Variants in PTCD1 observed in about 807,000 individuals in gnomAD.
PTCD1 encodes pentatricopeptide repeat-containing protein 1, mitochondrial.
PTCD1 carries 50 observed loss-of-function variants against 53.4 expected under a neutral mutation model. The observed-to-expected ratio is 0.94, with a 90% CI of 0.75 to 1.19. PTCD1 has a LOEUF of 1.19. Ranked by LOEUF, PTCD1 falls within the 50% of genes most tolerant of loss-of-function variation. The probability of loss-of-function intolerance (pLI) is 0.00; values close to 1 mark genes in which losing one functional copy is unlikely to be tolerated. For missense variants in PTCD1, 918 were observed against 904.8 expected (o/e 1.01, Z -0.19); for synonymous variants, 413 against 394.8 (o/e 1.05, Z -0.55).
At chr7:99,430,164 G>A (rs552062540) in intron 3 of PTCD1, among the ~76,000 whole-genome samples, 9 of 152,332 alleles carry the variant, frequency 5.9e-5, no homozygotes, top group East Asian at 5.8e-4. Context: ...GAGGGCTCCC[G>A]GGCAAGTTAG....
chr7:99,419,596 T>TAA lies in PTCD1; in HGVS notation c.*369_*370dup, dbSNP rs1042799353. On this transcript the variant is annotated 3_prime_UTR_variant, in exon 8 of 8. Transcript: ENST00000292478. ...GTCTATCAGCTGTGATTTGTAAAAATAAAATCTTTAAATCTCTCGAGCCCC... is the reference window on the plus strand; with the variant it reads ...GTCTATCAGCTGTGATTTGTAAAAATAAAAAATCTTTAAATCTCTCGAGCCCC... 2.2e-6 allele frequency: 2 copies of TAA among 891,204 alleles called. No homozygotes were observed. Among genetic ancestry groups the TAA allele is most frequent in the African/African-American group, 3.4e-5 (2 of 59,220 alleles). 55.2% of individuals were successfully genotyped at this position (891,204 alleles called of 1,614,324 possible).
chr7:99,429,206 T>A lies in PTCD1; in HGVS notation c.814-2A>T. 2 of 1,614,000 alleles carry A rather than the reference T, an allele frequency of 1.2e-6. No homozygotes were observed. Among genetic ancestry groups the A allele is most frequent in the Non-Finnish European group, 1.7e-6 (2 of 1,179,968 alleles). Reference sequence around the variant, plus strand: ...CACGTGCCCTTTGTGGATGATTTCCTGGGGGAGGGAACAAAGACGTCCCAC... The same window carrying A: ...CACGTGCCCTTTGTGGATGATTTCCAGGGGGAGGGAACAAAGACGTCCCAC... On this transcript the variant is annotated splice_acceptor_variant, in intron 4 of 7. Coordinates refer to ENST00000292478, the MANE Select transcript of PTCD1 (RefSeq NM_015545.4). LOFTEE classifies it high-confidence loss of function.
At position 99,424,816 on chromosome 7, in the gene PTCD1, T is replaced by C. The variant is rs2150949684; in HGVS notation, c.1716A>G (p.Leu572=). ...TCACCTTCATGTCTGTGAGAAGCTG[T>C]AGACCGTCCTTCGGCCTGTGGCACC... ...AIGCHRPKDG[L]QLLTDMKKSQ... Residue 572 remains leucine (L), a synonymous_variant, in exon 6 of 8, where the codon CTA becomes CTG. Coordinates refer to ENST00000292478, the MANE Select transcript of PTCD1 (RefSeq NM_015545.4). The C allele has an allele frequency of 1.9e-6, 3 of 1,614,192 alleles. No individual in the cohort carries two copies. Among genetic ancestry groups the C allele is most frequent in the Middle Eastern group, 1.6e-4 (1 of 6,062 alleles).
In PTCD1 at chr7:99,438,789, G is replaced by A. The variant is rs904848571; in HGVS notation, c.-124C>T. 9.4e-6 allele frequency: 13 copies of A among 1,387,440 alleles called. No individual in the cohort carries two copies. In the African/African-American group the frequency reaches 1.5e-4, roughly 16 times the overall value. The allele number at this position is 1,387,440 out of a possible 1,614,324, so 85.9% of individuals were successfully genotyped here. On this transcript the variant is annotated 5_prime_UTR_variant, in exon 1 of 8. Coordinates refer to ENST00000292478, the MANE Select transcript of PTCD1 (RefSeq NM_015545.4). ...GGGTCCCCCTCTCCCCAAGCGCGCA[G>A]GCGCAATCCGCGTCGCCGACTCACG...
In PTCD1 at chr7:99,419,973, G is replaced by GC; in HGVS notation, c.2096dup (p.Arg700GlnfsTer109). Reference sequence around the variant, plus strand: ...TGTTCCAGCTGTGCTCCCATCACCTGCCCCCAAGGGCACATCCGTCATCAG... The same window carrying GC: ...TGTTCCAGCTGTGCTCCCATCACCTGCCCCCCAAGGGCACATCCGTCATCAG... On this transcript the variant is annotated frameshift_variant, in exon 8 of 8. Coordinates refer to ENST00000292478, the MANE Select transcript of PTCD1 (RefSeq NM_015545.4). LOFTEE classifies it high-confidence loss of function. The GC allele has an allele frequency of 6.2e-7, 1 of 1,614,188 alleles. No individual in the cohort carries two copies. Among genetic ancestry groups the GC allele is most frequent in the Middle Eastern group, 1.7e-4 (1 of 6,056 alleles).
At chr7:99,432,585 C>A (rs112075222) in intron 3 of PTCD1, among the ~76,000 whole-genome samples, 1 of 152,284 alleles carries the variant, frequency 6.6e-6, no homozygotes, top group East Asian at 1.9e-4. Context: ...CCAGTGCCTG[C>A]GCAGCGCAGG....
rs1269413952 is a variant in PTCD1 at position 99,429,199 on chromosome 7, G to A, written c.819C>T (p.Ile273=). 1 of 1,614,022 alleles carries A rather than the reference G, an allele frequency of 6.2e-7. No individual in the cohort carries two copies. The highest frequency in any genetic ancestry group is 1.3e-5 in the African/African-American group (1 of 74,904). The change falls in exon 5 of 8, where the codon ATC becomes ATT. Residue 273 remains isoleucine (I), a synonymous_variant. Coordinates refer to ENST00000292478, the MANE Select transcript of PTCD1 (RefSeq NM_015545.4). ...CTGTGACCACGTGCCCTTTGTGGAT[G>A]ATTTCCTGGGGGAGGGAACAAAGAC... The part of the protein sequence containing the change: ...LRMCLDVFKE[I]IHKGHVVTEE...
rs1272145479 is a variant in PTCD1 at position 99,419,878 on chromosome 7, C to A, written c.*89G>T. On this transcript the variant is annotated 3_prime_UTR_variant, in exon 8 of 8. Transcript: ENST00000292478. ...GGCTGTTCCTCAGGGCCTGGCTCTT[C>A]CCCCAGGCAGGAGGTGACACCAGCT... 4.4e-6 allele frequency: 7 copies of A among 1,595,890 alleles called. No homozygotes were observed. Among genetic ancestry groups the A allele is most frequent in the Admixed American group, 1.7e-5 (1 of 59,838 alleles).
chr7:99,434,627 G>A (rs559183576), intron 2 of PTCD1, among the ~76,000 whole-genome samples, 163 bp downstream of exon 2: 3 of 151,454 alleles, frequency 2.0e-5, no homozygotes, highest in African/African-American at 7.3e-5. Context: ...ATAAAACTGC[G>A]GTGGAGGATG....
Position 99,419,650 on chromosome 7 carries a change from T to C in PTCD1, c.*317A>G. 1 of 754,390 alleles carries C rather than the reference T, an allele frequency of 1.3e-6. No homozygotes were observed. Among genetic ancestry groups the C allele is most frequent in the Non-Finnish European group, 2.1e-6 (1 of 475,650 alleles). The allele number at this position is 754,390 out of a possible 1,614,324, so 46.7% of individuals were successfully genotyped here. A position where few individuals can be genotyped will look rare whatever the true frequency, so the allele number is the denominator to read the frequency against. On this transcript the variant is annotated 3_prime_UTR_variant, in exon 8 of 8. Transcript: ENST00000292478. ...TCTCTTCTTTCAGAGCATCGGCCTA[T>C]GGAACCCGGCGGGGCGGCCCAGGCC...
chr7:99,428,996 A>T (rs1238861191), intron 5 of PTCD1, 107 bp downstream of exon 5: 12 of 1,323,326 alleles, frequency 9.1e-6, no homozygotes, highest in Non-Finnish European at 1.3e-5. Flanking sequence ...AAGAGCACAG[A>T]TATAAAAATA....
At chr7:99,428,829 G>A (rs1796156751) in intron 5 of PTCD1, among the ~76,000 whole-genome samples, 1 of 151,410 alleles carries the variant, frequency 6.6e-6, no homozygotes, top group Non-Finnish European at 1.5e-5. Context: ...CCCCAGGTGA[G>A]TGTGTGGCAG....
In PTCD1 at chr7:99,422,535, T is replaced by C. The variant is rs140448149; in HGVS notation, c.1920+1240A>G. ...GGTTGAAAGAAATTATTTAGGCAGATAATAAGGGCAACAGAGTCCTTGGCG... is the reference window on the plus strand; with the variant it reads ...GGTTGAAAGAAATTATTTAGGCAGACAATAAGGGCAACAGAGTCCTTGGCG... On this transcript the variant is annotated intron_variant, in intron 7 of 7. Transcript: ENST00000292478. Among the ~76,000 whole-genome samples the C allele has an allele frequency of 6.1e-4, 93 of 152,322 alleles. 1 individual carries two copies. In the East Asian group the frequency reaches 0.017, roughly 28 times the overall value.
In PTCD1 at chr7:99,424,876, G is replaced by GA; in HGVS notation, c.1655dup (p.Asn554GlnfsTer86). ...GGTTGCAGAATGTCTGCAGGTTGGG[G>GA]ACGAGGCCCCTCTTTGCCAGGACCG... On this transcript the variant is annotated frameshift_variant, in exon 6 of 8. Coordinates refer to ENST00000292478, the MANE Select transcript of PTCD1 (RefSeq NM_015545.4). LOFTEE classifies it high-confidence loss of function. 2 of 1,614,262 alleles carry GA rather than the reference G, an allele frequency of 1.2e-6. No individual in the cohort carries two copies. Among genetic ancestry groups the GA allele is most frequent in the Non-Finnish European group, 1.7e-6 (2 of 1,180,050 alleles).
intron 1 of PTCD1, among the ~76,000 whole-genome samples, 184 bp from the exon 2 acceptor site, chr7:99,435,452 A>G (rs1047724660): frequency 6.6e-6 from 1 of 151,714 alleles, no homozygotes; most frequent in Non-Finnish European, 1.5e-5. Flanking sequence ...CAGCCTGGAC[A>G]ACATGGTGAA....
At chr7:99,436,339 G>T (rs950761150) in intron 1 of PTCD1, among the ~76,000 whole-genome samples, 2 of 152,172 alleles carry the variant, frequency 1.3e-5, no homozygotes, top group Admixed American at 6.5e-5. Flanking sequence ...GGCCCAGTAG[G>T]TCAGGAGCGG....
chr7:99,417,806 C>T lies in PTCD1; in HGVS notation c.*2161G>A, dbSNP rs1402190091. ...TGTTTGTTAGGTCTGGGGTCAATCT[C>T]AACTCCACTTTTGGGCAAATTACTG... On this transcript the variant is annotated 3_prime_UTR_variant, in exon 8 of 8. Coordinates refer to ENST00000292478, the MANE Select transcript of PTCD1 (RefSeq NM_015545.4). The T allele has an allele frequency of 5.3e-6, 8 of 1,509,914 alleles. No homozygotes were observed. Among genetic ancestry groups the T allele is most frequent in the Non-Finnish European group, 6.2e-6 (7 of 1,133,898 alleles). The allele number at this position is 1,509,914 out of a possible 1,614,324, so 93.5% of individuals were successfully genotyped here.
At chr7:99,427,204 A>G (rs1584458906) in intron 5 of PTCD1, among the ~76,000 whole-genome samples, 2 of 131,002 alleles carry the variant, frequency 1.5e-5, no homozygotes, top group Non-Finnish European at 3.3e-5. Context: ...CTGCCCGGCC[A>G]GCCGCCCCGT....
intron 5 of PTCD1, among the ~76,000 whole-genome samples, chr7:99,428,262 G>A (rs1019371167): frequency 6.6e-6 from 1 of 151,844 alleles, no homozygotes; most frequent in East Asian, 1.9e-4. Context: ...AATTAGCTGG[G>A]CATGGTGGTG....
Sources: gnomAD v4.1 joint callset for allele counts (sites outside exome capture counted in the v4.1 genomes callset) on GRCh38, gnomAD v4.1.1 for gene constraint, MANE v1.5 for transcripts, NCBI Gene and HGNC (gene_info 2026-07-23, HGNC 2026-07-21) for gene names.